Variants in LRMDA observed in about 807,000 individuals in gnomAD.
LRMDA encodes leucine rich melanocyte differentiation associated, also known as leucine-rich melanocyte differentiation-associated protein.
Under a neutral mutation model 29.8 loss-of-function variants are expected in LRMDA, and 18 were observed. The observed-to-expected ratio is 0.60, with a 90% confidence interval of 0.42 to 0.90. The LOEUF is 0.90. LRMDA is among the 40% of genes least tolerant of loss of function. The pLI is 0.00. For missense variants in LRMDA, 273 were observed against 273.9 expected (o/e 1.00, Z 0.02); for synonymous variants, 125 against 109.4 (o/e 1.14, Z -0.89).
chr10:75,524,483 T>A (rs1403282070), intron 2 of LRMDA, among the ~76,000 whole-genome samples: 1 of 152,140 alleles, frequency 6.6e-6, no homozygotes, highest in Non-Finnish European at 1.5e-5. Context: ...CGTCTTGGTG[T>A]GAGAGAATAT....
At chr10:76,102,743 C>G (rs1849414630) in intron 5 of LRMDA, among the ~76,000 whole-genome samples, 1 of 152,164 alleles carries the variant, frequency 6.6e-6, no homozygotes, top group South Asian at 2.1e-4. Context: ...GCCTCAAACA[C>G]CTGGGCTCAA....
At chr10:76,521,146 T>G (rs1464827052) in intron 6 of LRMDA, among the ~76,000 whole-genome samples, 1 of 150,784 alleles carries the variant, frequency 6.6e-6, no homozygotes, top group African/African-American at 2.4e-5. Context: ...TTTTTTTTTT[T>G]TTTTTGAGAC....
intron 2 of LRMDA, among the ~76,000 whole-genome samples, chr10:75,706,093 A>T (rs1024511922): frequency 1.2e-4 from 19 of 152,152 alleles, no homozygotes; most frequent in Non-Finnish European, 2.5e-4. Context: ...CTGACAGGAG[A>T]TCATACACTT....
intron 2 of LRMDA, among the ~76,000 whole-genome samples, chr10:75,543,477 A>G (rs982271509): frequency 7.2e-5 from 11 of 151,998 alleles, no homozygotes; most frequent in Admixed American, 2.0e-4. Context: ...GGAAGTGGGG[A>G]GGAGGAGAGA....
intron 5 of LRMDA, among the ~76,000 whole-genome samples, chr10:76,072,543 A>T (rs1296619878): frequency 6.6e-6 from 1 of 152,116 alleles, no homozygotes; most frequent in East Asian, 1.9e-4. Context: ...TTTTATGATG[A>T]CTCTAGGTTG....
chr10:76,382,499 C>T (rs1589159634), intron 6 of LRMDA, among the ~76,000 whole-genome samples: 1 of 152,184 alleles, frequency 6.6e-6, no homozygotes, highest in South Asian at 2.1e-4. Context: ...AGAAAGTAAA[C>T]GACCCATGGT....
chr10:75,648,182 G>A (rs1016329229), intron 2 of LRMDA, among the ~76,000 whole-genome samples: 1 of 152,180 alleles, frequency 6.6e-6, no homozygotes, highest in Non-Finnish European at 1.5e-5. Flanking sequence ...GGCAGGGGCT[G>A]TTCTCTTTAT....
intron 2 of LRMDA, among the ~76,000 whole-genome samples, chr10:75,766,810 C>T (rs1437255474): frequency 4.0e-5 from 6 of 151,898 alleles, no homozygotes; most frequent in Admixed American, 1.3e-4. Flanking sequence ...CATTCCAAGA[C>T]GGGCCCCGGT....
chr10:76,077,185 C>T (rs1848973969), intron 5 of LRMDA, among the ~76,000 whole-genome samples: 1 of 152,200 alleles, frequency 6.6e-6, no homozygotes, highest in Admixed American at 6.5e-5. Flanking sequence ...ATAGAGATGA[C>T]ATATTCATGT....
At chr10:75,725,367 G>A (rs1458770835) in intron 2 of LRMDA, among the ~76,000 whole-genome samples, 1 of 152,226 alleles carries the variant, frequency 6.6e-6, no homozygotes, top group African/African-American at 2.4e-5. Flanking sequence ...GGCCTGAGGG[G>A]CCGAGCCCCG....
At chr10:76,046,287 G>A (rs890831031) in intron 3 of LRMDA, among the ~76,000 whole-genome samples, 8 of 152,136 alleles carry the variant, frequency 5.3e-5, no homozygotes, top group African/African-American at 1.9e-4. Flanking sequence ...CAGTACCTGT[G>A]ATTCTGTGAA....
chr10:75,564,584 G>T (rs1386546159), intron 2 of LRMDA, among the ~76,000 whole-genome samples: 1 of 152,228 alleles, frequency 6.6e-6, no homozygotes, highest in Admixed American at 6.5e-5. Context: ...AGATGAACCT[G>T]GTACCTCAGA....
intron 6 of LRMDA, among the ~76,000 whole-genome samples, chr10:76,363,177 G>GAAA (rs1314060766): frequency 0.17 from 1,864 of 10,968 alleles, 157 homozygotes; most frequent in Non-Finnish European, 0.25. Context: ...AAGAAAGAAA[G>GAAA]GAGGGAGGGA....
At chr10:76,395,471 G>T (rs1263818421) in intron 6 of LRMDA, among the ~76,000 whole-genome samples, 1 of 152,174 alleles carries the variant, frequency 6.6e-6, no homozygotes, top group African/African-American at 2.4e-5. Flanking sequence ...TCATCAGAGG[G>T]CAGCTTGGCT....
intron 2 of LRMDA, among the ~76,000 whole-genome samples, chr10:75,881,483 T>C (rs9416096): frequency 0.7 from 105,931 of 151,844 alleles, 37,462 homozygotes; most frequent in Middle Eastern, 0.79. Flanking sequence ...TTTGCAAATC[T>C]CTCCCCCCCA....
chr10:76,434,696 A>C (rs1842227686), intron 6 of LRMDA, among the ~76,000 whole-genome samples: 1 of 152,220 alleles, frequency 6.6e-6, no homozygotes, highest in Admixed American at 6.5e-5. Context: ...CTCAGGATAC[A>C]ACAATAAATG....
At chr10:76,550,441 G>A (rs963111673) in intron 6 of LRMDA, among the ~76,000 whole-genome samples, 1 of 152,092 alleles carries the variant, frequency 6.6e-6, no homozygotes, top group Non-Finnish European at 1.5e-5. Context: ...TGGTCACTGC[G>A]GTATTTAGCA....
chr10:75,680,873 C>T (rs1033118671), intron 2 of LRMDA, among the ~76,000 whole-genome samples: 35 of 152,062 alleles, frequency 2.3e-4, no homozygotes, highest in Non-Finnish European at 3.4e-4. Flanking sequence ...TGAGTACAAG[C>T]GCCCTTATTC....
chr10:76,301,270 A>G (rs75786222), intron 5 of LRMDA, among the ~76,000 whole-genome samples: 2,644 of 152,322 alleles, frequency 0.017, 79 homozygotes, highest in African/African-American at 0.06. Context: ...ACAGACAACA[A>G]GGAAATAACT....
Sources: allele counts gnomAD v4.1 joint callset (sites outside exome capture counted in the v4.1 genomes callset), GRCh38; gene constraint gnomAD v4.1.1; transcripts MANE v1.5; gene names NCBI Gene and HGNC (gene_info 2026-07-23, HGNC 2026-07-21).